RBP2: variants seen among roughly 807,000 people sequenced by gnomAD.
RBP2 encodes the protein retinol-binding protein 2.
A neutral mutation model predicts 17.0 loss-of-function variants in RBP2; 17 were observed. That is an observed-to-expected ratio of 1.00 (90% CI 0.68 to 1.50). The LOEUF (loss-of-function observed/expected upper bound fraction) is 1.50, where lower values mean the gene tolerates loss of function less well. Ranked by LOEUF, RBP2 falls within the 40% of genes most tolerant of loss-of-function variation. The probability of loss-of-function intolerance (pLI) is 0.00; values close to 1 mark genes in which losing one functional copy is unlikely to be tolerated. For synonymous variants in RBP2, 48 were observed against 57.1 expected (o/e 0.84, Z 0.72); for missense variants, 158 against 168.2 (o/e 0.94, Z 0.33).
chr3:139,454,314 TC>T (rs1346133177), intron 3 of RBP2, among the ~76,000 whole-genome samples: 1 of 152,196 alleles, frequency 6.6e-6, no homozygotes, highest in South Asian at 2.1e-4. Context: ...CTGTGGCAGT[TC>T]CCAGGCAGAG....
chr3:139,476,463 G>A lies in RBP2; in HGVS notation c.-4C>T, dbSNP rs1248471037. On this transcript the variant is annotated 5_prime_UTR_variant, in exon 1 of 4. Coordinates refer to ENST00000232217, the MANE Select transcript of RBP2 (RefSeq NM_004164.3). ...TTCCATTCTGGTCCCTTGTCATGGT[G>A]GTGGCCACTGGTTCGGTGAGGGTTT... The A allele has an allele frequency of 1.2e-6, 2 of 1,613,834 alleles. No homozygotes were observed. The highest frequency in any genetic ancestry group is 4.5e-5 in the East Asian group (2 of 44,860).
At chr3:139,469,683 G>GTCTGTCTGTCTGTCTA (rs1553722503) in intron 1 of RBP2, among the ~76,000 whole-genome samples, 353 of 127,630 alleles carry the variant, frequency 2.8e-3, no homozygotes, top group Non-Finnish European at 5.0e-3. Flanking sequence ...CTGTCTGTCT[G>GTCTGTCTGTCTGTCTA]TCTGTCTATC....
At chr3:139,461,242 C>G (rs1447836844) in intron 2 of RBP2, among the ~76,000 whole-genome samples, 2 of 152,182 alleles carry the variant, frequency 1.3e-5, no homozygotes, top group Non-Finnish European at 2.9e-5. Flanking sequence ...TCCCTGCTGC[C>G]TCTGCCTTAT....
chr3:139,455,913 C>T (rs1474259146), intron 2 of RBP2, among the ~76,000 whole-genome samples: 1 of 152,232 alleles, frequency 6.6e-6, no homozygotes, highest in African/African-American at 2.4e-5. Context: ...CCCCTGTGTA[C>T]ATGTTTACAA....
chr3:139,466,351 A>G (rs1477371982), intron 1 of RBP2: 1 of 152,156 alleles, frequency 6.6e-6, no homozygotes, highest in Non-Finnish European at 1.5e-5. Context: ...ATACCTATTT[A>G]ATTTTTCTCT....
intron 1 of RBP2, among the ~76,000 whole-genome samples, chr3:139,465,824 A>G (rs1373266128): frequency 6.6e-6 from 1 of 152,206 alleles, no homozygotes; most frequent in African/African-American, 2.4e-5. Flanking sequence ...CCAGCCGGCT[A>G]CATTATCTGG....
chr3:139,454,616 G>A (rs1943363786), intron 3 of RBP2, 113 bp downstream of exon 3: 1 of 930,930 alleles, frequency 1.1e-6, no homozygotes, highest in African/African-American at 1.6e-5. Flanking sequence ...GCATTTGGCT[G>A]GAGCTCGGGG....
intron 2 of RBP2, among the ~76,000 whole-genome samples, chr3:139,458,664 A>G (rs894694663): frequency 6.6e-6 from 1 of 152,002 alleles, no homozygotes; most frequent in East Asian, 1.9e-4. Flanking sequence ...TTCTCTCTCT[A>G]TGAATTTGCC....
rs1276923530 is a variant in RBP2 at position 139,455,080 on chromosome 3, G to A, written c.253-250C>T. Among the ~76,000 whole-genome samples the A allele has an allele frequency of 2.0e-5, 3 of 152,164 alleles. No homozygotes were observed. In the South Asian group the frequency reaches 6.2e-4, roughly 32 times the overall value. On this transcript the variant is annotated intron_variant, in intron 2 of 3. Coordinates refer to ENST00000232217, the MANE Select transcript of RBP2 (RefSeq NM_004164.3). ...TTCTACTCTTCCATTTTTCCTTATG[G>A]TAAAAATAGCATTTCAAATCAGTGG... is the stretch of plus-strand genomic sequence containing the variant.
chr3:139,472,707 T>G (rs182642174), intron 1 of RBP2, among the ~76,000 whole-genome samples: 1 of 152,336 alleles, frequency 6.6e-6, no homozygotes, highest in Non-Finnish European at 1.5e-5. Context: ...CAGGAACCAT[T>G]GGGGTGAACC....
At chr3:139,455,134 C>T (rs931444029) in intron 2 of RBP2, among the ~76,000 whole-genome samples, 2 of 151,922 alleles carry the variant, frequency 1.3e-5, no homozygotes, top group South Asian at 2.1e-4. Context: ...CACTATATAA[C>T]GATGTAAAAT....
At chr3:139,461,379 A>G (rs1933182025) in intron 2 of RBP2, among the ~76,000 whole-genome samples, 1 of 152,144 alleles carries the variant, frequency 6.6e-6, no homozygotes, top group Non-Finnish European at 1.5e-5. Context: ...ATCTATATTC[A>G]GTAGTTCAAA....
chr3:139,476,399 T>G lies in RBP2; in HGVS notation c.61A>C (p.Met21Leu). The G allele has an allele frequency of 6.2e-7, 1 of 1,613,892 alleles. No homozygotes were observed. The highest frequency in any genetic ancestry group is 8.5e-7 in the Non-Finnish European group (1 of 1,179,878). The part of the protein sequence containing the change: ...MESNENFEGY[M>L]KALDIDFATR... ...GTCTCCTCCTTACCCAGGGCCTTCATGTAGCCCTCAAAGTTTTCATTACTC... is the reference window on the plus strand; with the variant it reads ...GTCTCCTCCTTACCCAGGGCCTTCAGGTAGCCCTCAAAGTTTTCATTACTC... The change falls in exon 1 of 4, where the codon ATG becomes CTG. Residue 21 changes from methionine (M) to leucine (L), a missense_variant. Coordinates refer to ENST00000232217, the MANE Select transcript of RBP2 (RefSeq NM_004164.3).
chr3:139,467,168 A>T (rs1181771395), intron 1 of RBP2, among the ~76,000 whole-genome samples: 3 of 152,198 alleles, frequency 2.0e-5, no homozygotes, highest in African/African-American at 7.2e-5. Flanking sequence ...AGTACTATGG[A>T]TTAGCTAATG....
chr3:139,476,425 T>A lies in RBP2; in HGVS notation c.35A>T (p.Glu12Val). ...TRDQNGTWEM[E>V]SNENFEGYMK... ...GTAGCCCTCAAAGTTTTCATTACTC[T>A]CCATCTCCCAGGTTCCATTCTGGTC... Residue 12 changes from glutamate to valine, a missense_variant, in exon 1 of 4, where the codon GAG becomes GTG. Coordinates refer to ENST00000232217, the MANE Select transcript of RBP2 (RefSeq NM_004164.3). 2 of 1,613,804 alleles carry A rather than the reference T, an allele frequency of 1.2e-6. No homozygotes were observed. The highest frequency in any genetic ancestry group is 1.7e-6 in the Non-Finnish European group (2 of 1,179,924).
chr3:139,454,812 C>G lies in RBP2; in HGVS notation c.271G>C (p.Gly91Arg), dbSNP rs754046712. Residue 91 changes from glycine to arginine, a missense_variant, in exon 3 of 4, where the codon GGT becomes CGT. Physicochemically the swap from Gly to Arg is moderately radical, Grantham distance 125. Transcript: ENST00000232217. Reference protein sequence around the residue: ...RHVKALVTWEGDVLVCVQKGE... With the variant: ...RHVKALVTWERDVLVCVQKGE... Reference sequence around the variant, plus strand: ...TTTTGCACACACACAAGGACATCACCTTCCCAGGTGACCAGTGCCTGTAAA... The same window carrying G: ...TTTTGCACACACACAAGGACATCACGTTCCCAGGTGACCAGTGCCTGTAAA... 1.2e-5 allele frequency: 19 copies of G among 1,614,206 alleles called. No individual in the cohort carries two copies. Among genetic ancestry groups the G allele is most frequent in the Non-Finnish European group, 1.4e-5 (16 of 1,180,026 alleles).
At chr3:139,469,395 C>T (rs1320158188) in intron 1 of RBP2, among the ~76,000 whole-genome samples, 2 of 152,088 alleles carry the variant, frequency 1.3e-5, no homozygotes. Flanking sequence ...GTTTCTCCTC[C>T]CCATTCTTAG....
At position 139,455,862 on chromosome 3, in the gene RBP2, T is replaced by C. The variant is rs138535723; in HGVS notation, c.253-1032A>G. Among the ~76,000 whole-genome samples, 596 of 152,318 alleles carry C rather than the reference T, an allele frequency of 3.9e-3. 17 individuals are homozygous for C. The highest frequency in any genetic ancestry group is 0.036 in the Admixed American group (555 of 15,300). On this transcript the variant is annotated intron_variant, in intron 2 of 3. Coordinates refer to ENST00000232217, the MANE Select transcript of RBP2 (RefSeq NM_004164.3). The stretch of plus-strand genomic sequence containing the variant: ...AGCCAGGCTACAGTGGCCAGCAGGT[T>C]GGAGAAGCCGTAGGCCTTCTGAATC...
chr3:139,467,393 C>T (rs1933401876), intron 1 of RBP2, among the ~76,000 whole-genome samples: 1 of 152,152 alleles, frequency 6.6e-6, no homozygotes, highest in African/African-American at 2.4e-5. Flanking sequence ...AGTAGGAGCT[C>T]TGTTGGCCAG....
Sources: allele counts gnomAD v4.1 joint callset (sites outside exome capture counted in the v4.1 genomes callset), GRCh38; gene constraint gnomAD v4.1.1; transcripts MANE v1.5; gene names NCBI Gene and HGNC (gene_info 2026-07-23, HGNC 2026-07-21).